TRIM2: variants seen among roughly 807,000 people sequenced by gnomAD.
TRIM2 encodes tripartite motif-containing protein 2.
TRIM2 carries 20 observed loss-of-function variants against 75.2 expected under a neutral mutation model. The ratio of observed to expected loss-of-function variants is 0.27; its 90% CI spans 0.19 to 0.39. The LOEUF is 0.39. Ranked by LOEUF, TRIM2 falls within the 10% of genes least tolerant of loss-of-function variation. The pLI, the probability that TRIM2 is intolerant of heterozygous loss-of-function variation, is 1.00. For missense variants in TRIM2, 660 were observed against 990.8 expected (o/e 0.67, Z 4.48); for synonymous variants, 373 against 388.3 (o/e 0.96, Z 0.46).
intron 8 of TRIM2, among the ~76,000 whole-genome samples, chr4:153,322,420 TAAATA>T (rs1330250166): frequency 2.6e-5 from 4 of 151,690 alleles, no homozygotes; most frequent in Non-Finnish European, 5.9e-5. Flanking sequence ...CAAAAATAAA[TAAATA>T]AATAAATAAA....
intron 3 of TRIM2, among the ~76,000 whole-genome samples, chr4:153,287,126 C>T (rs72729623): frequency 0.099 from 15,014 of 152,088 alleles, 896 homozygotes; most frequent in Non-Finnish European, 0.14. Context: ...TACAGGCACA[C>T]GCCACTATGC....
At chr4:153,163,495 C>CTTTTTTTTTTTT (rs70949644) in intron 1 of TRIM2, among the ~76,000 whole-genome samples, 1 of 98,680 alleles carries the variant, frequency 1.0e-5, no homozygotes, top group African/African-American at 4.4e-5. Context: ...AGATTTACAT[C>CTTTTTTTTTTTT]TTTTTTTTTT....
intron 3 of TRIM2, among the ~76,000 whole-genome samples, chr4:153,281,374 T>C (rs1759306339): frequency 2.0e-5 from 3 of 152,202 alleles, no homozygotes; most frequent in African/African-American, 7.2e-5. Context: ...GCTCAAAAAT[T>C]GGAAATAATC....
chr4:153,293,308 T>G (rs1762187300), intron 4 of TRIM2, among the ~76,000 whole-genome samples, 175 bp downstream of exon 4: 1 of 152,256 alleles, frequency 6.6e-6, no homozygotes, highest in African/African-American at 2.4e-5. Flanking sequence ...TGAGGAAGGT[T>G]GTCTTCTGCC....
rs746497443 is a variant in TRIM2 at position 153,208,319 on chromosome 4, G to A, written c.30+3759G>A. On this transcript the variant is annotated intron_variant, in intron 1 of 11. Coordinates refer to ENST00000338700, the MANE Select transcript of TRIM2 (RefSeq NM_015271.5). ...GGAAAGTACACTTTTTATTTTCACAGGAGGTAATGATACATTCAAGTTGGT... is the reference window on the plus strand; with the variant it reads ...GGAAAGTACACTTTTTATTTTCACAAGAGGTAATGATACATTCAAGTTGGT... Among the ~76,000 whole-genome samples the A allele has an allele frequency of 2.3e-4, 35 of 151,896 alleles. 1 individual carries two copies. Among genetic ancestry groups the A allele is most frequent in the Non-Finnish European group, 4.3e-4 (29 of 67,954 alleles).
At chr4:153,284,562 A>G (rs1760160269) in intron 3 of TRIM2, among the ~76,000 whole-genome samples, 1 of 152,244 alleles carries the variant, frequency 6.6e-6, no homozygotes. Context: ...CTAGCAAAGC[A>G]TAAGGGTTCT....
chr4:153,180,824 C>G (rs1334160464), intron 1 of TRIM2, among the ~76,000 whole-genome samples: 1 of 152,232 alleles, frequency 6.6e-6, no homozygotes, highest in Non-Finnish European at 1.5e-5. Context: ...ACTAACACTC[C>G]TCTGCCAACT....
At chr4:153,180,631 C>T (rs938379384) in intron 1 of TRIM2, among the ~76,000 whole-genome samples, 6 of 152,240 alleles carry the variant, frequency 3.9e-5, no homozygotes, top group Non-Finnish European at 8.8e-5. Context: ...GCGTGTGCCA[C>T]CACGCTCAGC....
At chr4:153,308,960 C>A (rs1176144968) in intron 6 of TRIM2, among the ~76,000 whole-genome samples, 2 of 152,158 alleles carry the variant, frequency 1.3e-5, no homozygotes, top group Admixed American at 1.3e-4. Flanking sequence ...CCTTGAGAAT[C>A]TCATCCTTGG....
At chr4:153,195,993 A>G (rs532894614) in intron 1 of TRIM2, among the ~76,000 whole-genome samples, 4 of 152,134 alleles carry the variant, frequency 2.6e-5, no homozygotes, top group South Asian at 2.1e-4. Flanking sequence ...TGCTTTTAGT[A>G]AAGACGGGGG....
chr4:153,323,357 T>C, intron 9 of TRIM2, among the ~76,000 whole-genome samples: 1 of 152,348 alleles, frequency 6.6e-6, no homozygotes, highest in Non-Finnish European at 1.5e-5. Flanking sequence ...TTAATTTTCT[T>C]TTTGAAAGGA....
chr4:153,325,809 G>T lies in TRIM2; in HGVS notation c.2022+1661G>T, dbSNP rs1167562192. Among the ~76,000 whole-genome samples the T allele has an allele frequency of 2.6e-5, 4 of 152,316 alleles. No homozygotes were observed. The East Asian group carries it at 7.7e-4, about 29-fold the overall frequency. ...CAACTGTGATCTCAGAGCCTTTCCT[G>T]TCCAGTGCTCCAGGCAACCTCTAAG... On this transcript the variant is annotated intron_variant, in intron 10 of 11. Transcript: ENST00000338700.
At chr4:153,244,438 T>TTC (rs1748512067) in intron 1 of TRIM2, among the ~76,000 whole-genome samples, 3 of 74,146 alleles carry the variant, frequency 4.0e-5, no homozygotes, top group Non-Finnish European at 7.5e-5. Flanking sequence ...TCTTCTTCTT[T>TTC]TAATTAGAGA....
At chr4:153,219,638 TG>T (rs1739425169) in intron 1 of TRIM2, among the ~76,000 whole-genome samples, 1 of 152,190 alleles carries the variant, frequency 6.6e-6, no homozygotes, top group Non-Finnish European at 1.5e-5. Context: ...GAGGCCAAGA[TG>T]GGTGGATCAC....
chr4:153,288,604 T>C (rs13120617), intron 3 of TRIM2, among the ~76,000 whole-genome samples: 33,210 of 152,054 alleles, frequency 0.22, 4,166 homozygotes, highest in African/African-American at 0.35. Context: ...ATTAAGTTTT[T>C]TGGATGTGTA....
At chr4:153,223,268 C>G (rs1478485336) in intron 1 of TRIM2, among the ~76,000 whole-genome samples, 1 of 152,210 alleles carries the variant, frequency 6.6e-6, no homozygotes, top group Admixed American at 6.5e-5. Context: ...GCCCGCGGAG[C>G]TCTCCCGGGA....
At chr4:153,266,292 C>T (rs1275101195) in intron 1 of TRIM2, among the ~76,000 whole-genome samples, 2 of 151,802 alleles carry the variant, frequency 1.3e-5, no homozygotes, top group African/African-American at 4.8e-5. Context: ...ACCTCAGCCT[C>T]CTGAGCAGCT....
chr4:153,229,856 G>A (rs142324907), intron 1 of TRIM2, among the ~76,000 whole-genome samples: 24 of 152,202 alleles, frequency 1.6e-4, no homozygotes, highest in African/African-American at 4.1e-4. Flanking sequence ...CATTTCTTTC[G>A]TTAGATTTTT....
chr4:153,225,634 T>A (rs987512429), intron 1 of TRIM2, among the ~76,000 whole-genome samples: 2 of 152,224 alleles, frequency 1.3e-5, no homozygotes, highest in African/African-American at 4.8e-5. Context: ...GTTTAAGGGT[T>A]AAAAGAATTG....
Sources: allele counts gnomAD v4.1 joint callset (sites outside exome capture counted in the v4.1 genomes callset), GRCh38; gene constraint gnomAD v4.1.1; transcripts MANE v1.5; gene names NCBI Gene and HGNC (gene_info 2026-07-23, HGNC 2026-07-21).